The following TCF25 variants were observed in gnomAD, a reference collection of about 807,000 sequenced individuals.
TCF25 encodes the protein ribosome quality control complex subunit TCF25.
TCF25 carries 41 observed loss-of-function variants against 83.1 expected under a neutral mutation model. The ratio of observed to expected loss-of-function variants is 0.49; its 90% confidence interval spans 0.38 to 0.64. The LOEUF (loss-of-function observed/expected upper bound fraction) is 0.64. TCF25 is among the 30% of genes least tolerant of loss of function. The pLI is 0.00. For synonymous variants in TCF25, 458 were observed against 365.0 expected, an observed-to-expected ratio of 1.25 and a Z score of -2.90; for missense variants, 979 against 914.5, an observed-to-expected ratio of 1.07 and a Z score of -0.91.
intron 14 of TCF25, 174 bp from the exon 15 acceptor site, chr16:89,906,020 G>A (rs2044746400): frequency 1.6e-6 from 1 of 618,790 alleles, no homozygotes; most frequent in Admixed American, 2.7e-5. Flanking sequence ...CCAGCCGCAG[G>A]CCAGGGACCA....
At chr16:89,899,119 G>A (rs940071121) in intron 11 of TCF25, among the ~76,000 whole-genome samples, 3 of 152,288 alleles carry the variant, frequency 2.0e-5, no homozygotes, top group South Asian at 2.1e-4. Context: ...ATGCTCAAAC[G>A]TGTGTACACA....
At position 89,892,189 on chromosome 16, in the gene TCF25, C is replaced by G. The variant is rs748324831; in HGVS notation, c.615-4C>G. 6.8e-6 allele frequency: 11 copies of G among 1,606,022 alleles called. No individual in the cohort carries two copies. Among genetic ancestry groups the G allele is most frequent in the Non-Finnish European group, 8.5e-6 (10 of 1,176,234 alleles). On this transcript the variant is annotated splice_region_variant and splice_polypyrimidine_tract_variant and intron_variant, in intron 5 of 17. Coordinates refer to ENST00000263346, the MANE Select transcript of TCF25 (RefSeq NM_014972.3). ...AAGCTGTACCTGTGTCCCGTTCTCC[C>G]CAGGCCACGGCAGAGACAACGTGTG...
intron 16 of TCF25, chr16:89,909,013 G>A (rs1180230037): frequency 1.6e-6 from 2 of 1,289,436 alleles, no homozygotes; most frequent in East Asian, 5.5e-5. Flanking sequence ...TCACAGCTCT[G>A]CGTTTGCAGG....
chr16:89,908,093 CCCAG>C (rs2045100776), intron 16 of TCF25, among the ~76,000 whole-genome samples: 1 of 135,790 alleles, frequency 7.4e-6, no homozygotes, highest in Non-Finnish European at 1.6e-5. Context: ...CCTCCCTCCT[CCCAG>C]TTCCCAGCTC....
At position 89,896,102 on chromosome 16, in the gene TCF25, G is replaced by C. The variant is rs769072707; in HGVS notation, c.1022+19G>C. The C allele has an allele frequency of 2.4e-5, 38 of 1,610,314 alleles. No homozygotes were observed. The highest frequency in any genetic ancestry group is 2.9e-5 in the Non-Finnish European group (34 of 1,178,218). ...AGAACAGGTGAGTGCAGCTGCCCTG[G>C]AGGTGACGCAGCTCCCCTTCCCTTC... On this transcript the variant is annotated intron_variant, in intron 9 of 17. Coordinates refer to ENST00000263346, the MANE Select transcript of TCF25 (RefSeq NM_014972.3).
chr16:89,906,201 G>GA lies in TCF25; in HGVS notation c.1636_1637insA (p.Val546AspfsTer18), dbSNP rs2044766205. The GA allele has an allele frequency of 6.2e-7, 1 of 1,613,278 alleles. No homozygotes were observed. Among genetic ancestry groups the GA allele is most frequent in the African/African-American group, 1.3e-5 (1 of 75,058 alleles). On this transcript the variant is annotated frameshift_variant, in exon 15 of 18. Transcript: ENST00000263346. LOFTEE classifies it high-confidence loss of function. ...GTTTCTCCCCGGCCCTAGGCGGAAG[G>GA]TGCTCTACCAGCGTGCACCCAGGAA...
intron 1 of TCF25, among the ~76,000 whole-genome samples, chr16:89,880,869 T>G (rs1377466166): frequency 6.6e-6 from 1 of 152,230 alleles, no homozygotes; most frequent in Non-Finnish European, 1.5e-5. Context: ...GCTTTCTTCC[T>G]TTACTGCAGG....
At chr16:89,901,546 C>T (rs1158370057) in intron 12 of TCF25, among the ~76,000 whole-genome samples, 1 of 130,302 alleles carries the variant, frequency 7.7e-6, no homozygotes, top group Non-Finnish European at 1.7e-5. Flanking sequence ...GAGATCGAGA[C>T]CATCCTGACT....
At chr16:89,885,804 A>G (rs2042960102) in intron 3 of TCF25, 44 bp from the exon 4 acceptor site, 2 of 1,449,324 alleles carry the variant, frequency 1.4e-6, no homozygotes, top group African/African-American at 1.4e-5. Context: ...AATATTTAAA[A>G]TAATGTCAGT....
chr16:89,894,886 C>T, intron 7 of TCF25, 152 bp from the exon 8 acceptor site: 1 of 559,448 alleles, frequency 1.8e-6, no homozygotes, highest in South Asian at 2.1e-5. Flanking sequence ...ATCAAGTGAT[C>T]CTCCTGCCTC....
At chr16:89,904,734 A>C (rs1164562179) in intron 13 of TCF25, 3 of 713,670 alleles carry the variant, frequency 4.2e-6, no homozygotes, top group South Asian at 1.5e-5. Context: ...TTCCTAAAGA[A>C]CATAACCTGC....
intron 1 of TCF25, among the ~76,000 whole-genome samples, chr16:89,878,785 C>T (rs151053033): frequency 2.3e-3 from 347 of 152,268 alleles, no homozygotes; most frequent in Non-Finnish European, 4.0e-3. Context: ...GGACTACAGG[C>T]GCCCACCACC....
intron 7 of TCF25, 70 bp from the exon 8 acceptor site, chr16:89,894,965 GAAA>G: frequency 7.1e-7 from 1 of 1,418,382 alleles, no homozygotes; most frequent in Non-Finnish European, 9.8e-7. Flanking sequence ...TTAAATGTCT[GAAA>G]AAAAGGCATG....
intron 7 of TCF25, 188 bp from the exon 8 acceptor site, chr16:89,894,850 G>A (rs1358188599): frequency 2.1e-5 from 10 of 480,330 alleles, no homozygotes; most frequent in Admixed American, 3.6e-5. Context: ...TTGCCACGTT[G>A]GCCAGGCTGG....
Position 89,892,208 on chromosome 16 carries a change from A to G in TCF25, c.630A>G (p.Gln210=). The G allele has an allele frequency of 6.2e-7, 1 of 1,611,620 alleles. No individual in the cohort carries two copies. The highest frequency in any genetic ancestry group is 1.1e-5 in the South Asian group (1 of 90,760). ...ILGEQRPRQR[Q]RVYPKCTWLT... The stretch of plus-strand genomic sequence containing the variant: ...TTCTCCCCAGGCCACGGCAGAGACA[A>G]CGTGTGTACCCCAAGTGCACATGGC... The change falls in exon 6 of 18, where the codon CAA becomes CAG. Residue 210 remains glutamine (Q), a synonymous_variant. Coordinates refer to ENST00000263346, the MANE Select transcript of TCF25 (RefSeq NM_014972.3).
chr16:89,911,073 G>C lies in TCF25; in HGVS notation c.1873-7G>C. ...GCCCCCTTCTCAGACATGTCCCCTT[G>C]CTGCAGGGGGAGAGGCCCGAGGAAG... On this transcript the variant is annotated splice_region_variant and splice_polypyrimidine_tract_variant and intron_variant, in intron 17 of 17. Transcript: ENST00000263346. 6.2e-7 allele frequency: 1 copy of C among 1,610,536 alleles called. No individual in the cohort carries two copies. The highest frequency in any genetic ancestry group is 8.5e-7 in the Non-Finnish European group (1 of 1,179,642).
chr16:89,908,090 C>T (rs1368816205), intron 16 of TCF25, among the ~76,000 whole-genome samples: 1 of 138,354 alleles, frequency 7.2e-6, no homozygotes, highest in Non-Finnish European at 1.6e-5. Context: ...TCTCCTCCCT[C>T]CTCCCAGTTC....
At position 89,898,810 on chromosome 16, in the gene TCF25, G is replaced by A; in HGVS notation, c.1159G>A (p.Asp387Asn). 6.2e-7 allele frequency: 1 copy of A among 1,613,806 alleles called. No homozygotes were observed. The highest frequency in any genetic ancestry group is 8.5e-7 in the Non-Finnish European group (1 of 1,180,016). The change falls in exon 11 of 18, where the codon GAC (aspartate) becomes AAC (asparagine). Residue 387 changes from aspartate (D) to asparagine (N), a missense_variant. By Grantham distance (23) the Asp-to-Asn change is conservative. Transcript: ENST00000263346. ...EDPLCMLLLI[D>N]HLALRARNYE... ...CCCCCTCTGCATGCTGCTGCTCATCGACCACCTGGCCTTGCGGGCCCGGAA... is the reference window on the plus strand; with the variant it reads ...CCCCCTCTGCATGCTGCTGCTCATCAACCACCTGGCCTTGCGGGCCCGGAA...
intron 3 of TCF25, among the ~76,000 whole-genome samples, chr16:89,885,253 A>G (rs561869712): frequency 6.6e-6 from 1 of 152,286 alleles, no homozygotes; most frequent in South Asian, 2.1e-4. Flanking sequence ...TACTTTCTAA[A>G]TGCTGCTTCT....
Sources: gnomAD v4.1 joint callset for allele counts (sites outside exome capture counted in the v4.1 genomes callset) on GRCh38, gnomAD v4.1.1 for gene constraint, MANE v1.5 for transcripts, NCBI Gene and HGNC (gene_info 2026-07-23, HGNC 2026-07-21) for gene names.